ORC4: variants seen among roughly 807,000 people sequenced by gnomAD.
ORC4 encodes the protein origin recognition complex subunit 4, also known as origin recognition complex, subunit 4 homolog.
Under a neutral mutation model 63.9 loss-of-function variants are expected in ORC4, and 55 were observed. The observed-to-expected ratio is 0.86, with a 90% CI of 0.69 to 1.08. The LOEUF (loss-of-function observed/expected upper bound fraction) is 1.08, where lower values mean the gene tolerates loss of function less well. Ranked by LOEUF, ORC4 falls within the 50% of genes least tolerant of loss-of-function variation. ORC4 has a pLI of 0.00. For missense variants in ORC4, 511 were observed against 504.4 expected, an observed-to-expected ratio of 1.01 and a Z score of -0.13; for synonymous variants, 150 against 168.5, an observed-to-expected ratio of 0.89 and a Z score of 0.85.
intron 1 of ORC4, among the ~76,000 whole-genome samples, chr2:148,014,631 T>C (rs185269705): frequency 1.5e-3 from 230 of 152,290 alleles, no homozygotes; most frequent in Middle Eastern, 3.4e-3. Flanking sequence ...CGGCCCTTCA[T>C]AGCCACAGAT....
In ORC4 at chr2:147,938,396, A is replaced by G; in HGVS notation, c.959-3T>C. 6.5e-7 allele frequency: 1 copy of G among 1,531,984 alleles called. No individual in the cohort carries two copies. Among genetic ancestry groups the G allele is most frequent in the Non-Finnish European group, 9.0e-7 (1 of 1,107,088 alleles). 94.9% of individuals were successfully genotyped at this position (1,531,984 alleles called of 1,614,324 possible). Reference sequence around the variant, plus strand: ...ACAGATTTCCAAGACTGATAGACCTACAGTAAAAGGGAAAAAAAACTATCA... The same window carrying G: ...ACAGATTTCCAAGACTGATAGACCTGCAGTAAAAGGGAAAAAAAACTATCA... On this transcript the variant is annotated splice_region_variant and splice_polypyrimidine_tract_variant and intron_variant, in intron 11 of 13. Coordinates refer to ENST00000392857, the MANE Select transcript of ORC4 (RefSeq NM_181741.4).
intron 1 of ORC4, among the ~76,000 whole-genome samples, chr2:147,990,692 T>TA (rs1284827175): frequency 6.6e-6 from 1 of 152,196 alleles, no homozygotes; most frequent in Non-Finnish European, 1.5e-5. Flanking sequence ...GTAAAATCTT[T>TA]TTTTCCTCCT....
intron 10 of ORC4, among the ~76,000 whole-genome samples, chr2:147,941,052 T>C (rs1250104175): frequency 2.0e-5 from 3 of 152,172 alleles, no homozygotes; most frequent in Non-Finnish European, 4.4e-5. Flanking sequence ...ACCAACCTAA[T>C]ACTTCTACTA....
intron 8 of ORC4, 83 bp downstream of exon 8, chr2:147,952,290 G>C (rs1044992588): frequency 5.8e-6 from 6 of 1,027,302 alleles, no homozygotes; most frequent in Non-Finnish European, 7.2e-6. Context: ...ACCTAAATAA[G>C]TGAAAAAAAC....
intron 1 of ORC4, among the ~76,000 whole-genome samples, chr2:148,013,266 C>T (rs915634955): frequency 1.1e-4 from 17 of 151,952 alleles, no homozygotes; most frequent in African/African-American, 4.1e-4. Flanking sequence ...AAATGAAATC[C>T]TGTCATTTTC....
At chr2:147,969,342 A>G (rs949966334) in intron 4 of ORC4, among the ~76,000 whole-genome samples, 1 of 152,112 alleles carries the variant, frequency 6.6e-6, no homozygotes, top group African/African-American at 2.4e-5. Flanking sequence ...TATGCTAATT[A>G]TTCTGATTTG....
At chr2:147,986,594 C>T (rs1356662532) in intron 1 of ORC4, among the ~76,000 whole-genome samples, 1 of 152,012 alleles carries the variant, frequency 6.6e-6, no homozygotes, top group Non-Finnish European at 1.5e-5. Context: ...AGACTCATAC[C>T]TAGCAAAGAT....
At chr2:147,969,202 A>T (rs11901963) in intron 4 of ORC4, among the ~76,000 whole-genome samples, 50,050 of 151,728 alleles carry the variant, frequency 0.33, 8,515 homozygotes, top group East Asian at 0.52. Context: ...AGGAGTAAGT[A>T]ACAGTGTTGT....
chr2:147,963,525 C>A (rs2105327684), intron 4 of ORC4, among the ~76,000 whole-genome samples: 1 of 152,284 alleles, frequency 6.6e-6, no homozygotes, highest in South Asian at 2.1e-4. Context: ...AGTCGAGGAA[C>A]TGTATCCCTA....
At chr2:147,952,669 A>G in intron 7 of ORC4, 145 bp from the exon 8 acceptor site, 2 of 659,196 alleles carry the variant, frequency 3.0e-6, no homozygotes, top group Admixed American at 5.3e-5. Flanking sequence ...TTACTGATGC[A>G]TATACGTTCA....
Position 147,943,439 on chromosome 2 carries a change from T to G in ORC4, c.846A>C (p.Leu282=). ...ISKNLRSLHM[L]LMLALNRVTA... ...ATAAAACAAAACTAATACAAACCAA[T>G]AGCATGTGTAATGACCGCAGGTTTT... is the stretch of plus-strand genomic sequence containing the variant. The change falls in exon 10 of 14, where the codon CTA becomes CTC. Residue 282 remains leucine, a synonymous_variant. Transcript: ENST00000392857. The G allele has an allele frequency of 6.3e-7, 1 of 1,576,998 alleles. No homozygotes were observed.
Position 147,931,324 on chromosome 2 carries a change from C to A in ORC4, c.*4186G>T, listed in dbSNP as rs1295321994. ...TAATGCCACAATAAACATACGTGTG[C>A]ATGTGTCTTTATAGCAGCATGATTT... is the stretch of plus-strand genomic sequence containing the variant. On this transcript the variant is annotated 3_prime_UTR_variant, in exon 14 of 14. Coordinates refer to ENST00000392857, the MANE Select transcript of ORC4 (RefSeq NM_181741.4). 1 of 151,772 alleles carries A rather than the reference C, an allele frequency of 6.6e-6. No homozygotes were observed. The highest frequency in any genetic ancestry group is 1.5e-5 in the Non-Finnish European group (1 of 67,954). The allele number at this position is 151,772 out of a possible 1,614,324, so 9.4% of individuals were successfully genotyped here. A position where few individuals can be genotyped will look rare whatever the true frequency, so the allele number is the denominator to read the frequency against.
chr2:147,954,006 T>G (rs1334536070), intron 7 of ORC4, among the ~76,000 whole-genome samples: 1 of 151,760 alleles, frequency 6.6e-6, no homozygotes, highest in Non-Finnish European at 1.5e-5. Flanking sequence ...GTCAGATCCC[T>G]ACTTTACAGG....
intron 12 of ORC4, 28 bp from the exon 13 acceptor site, chr2:147,938,241 A>C: frequency 6.3e-7 from 1 of 1,599,928 alleles, no homozygotes; most frequent in Non-Finnish European, 8.6e-7. Flanking sequence ...ACAACATTAT[A>C]CCTTCAAATA....
At chr2:147,991,920 A>G (rs939451034) in intron 1 of ORC4, among the ~76,000 whole-genome samples, 1 of 152,244 alleles carries the variant, frequency 6.6e-6, no homozygotes, top group African/African-American at 2.4e-5. Flanking sequence ...ATTCTGCAGT[A>G]GTGTTGATGA....
chr2:147,932,792 G>C lies in ORC4; in HGVS notation c.*2718C>G, dbSNP rs1402319197. On this transcript the variant is annotated 3_prime_UTR_variant, in exon 14 of 14. Transcript: ENST00000392857. ...AGGATGGGGCAGCACTTAGGTTATG[G>C]TGGTTTGAAAGAAACTGAATTGCTT... 2 of 152,090 alleles carry C rather than the reference G, an allele frequency of 1.3e-5. No individual in the cohort carries two copies. Among genetic ancestry groups the C allele is most frequent in the Non-Finnish European group, 2.9e-5 (2 of 68,020 alleles). 9.4% of individuals were successfully genotyped at this position (152,090 alleles called of 1,614,324 possible). A position where few individuals can be genotyped will look rare whatever the true frequency, so the allele number is the denominator to read the frequency against.
At position 147,932,827 on chromosome 2, in the gene ORC4, G is replaced by T. The variant is rs1261046826; in HGVS notation, c.*2683C>A. ...AGAAACTGAATTGCTTTCTAAACCA[G>T]ATGAGGATCAGAGTGCGAACCATGG... On this transcript the variant is annotated 3_prime_UTR_variant, in exon 14 of 14. Coordinates refer to ENST00000392857, the MANE Select transcript of ORC4 (RefSeq NM_181741.4). The T allele has an allele frequency of 6.6e-6, 1 of 152,116 alleles. No individual in the cohort carries two copies. Among genetic ancestry groups the T allele is most frequent in the Non-Finnish European group, 1.5e-5 (1 of 68,018 alleles). 9.4% of individuals were successfully genotyped at this position (152,116 alleles called of 1,614,324 possible).
intron 1 of ORC4, among the ~76,000 whole-genome samples, chr2:147,988,579 G>A (rs1379289136): frequency 1.3e-5 from 2 of 151,902 alleles, no homozygotes; most frequent in Non-Finnish European, 1.5e-5. Context: ...GGCTGGTCTC[G>A]AACTCCTGAC....
rs986208536 is a variant in ORC4, at chr2:147,930,500, A to G, written c.*5010T>C. Reference sequence around the variant, plus strand: ...ATCCATTTATGGGCAAAATGATACAAGTAGCATCTTGATTGAACATCATTT... The same window carrying G: ...ATCCATTTATGGGCAAAATGATACAGGTAGCATCTTGATTGAACATCATTT... On this transcript the variant is annotated 3_prime_UTR_variant, in exon 14 of 14. Coordinates refer to ENST00000392857, the MANE Select transcript of ORC4 (RefSeq NM_181741.4). 1 of 152,482 alleles carries G rather than the reference A, an allele frequency of 6.6e-6. No homozygotes were observed. The highest frequency in any genetic ancestry group is 2.4e-5 in the African/African-American group (1 of 41,432). 9.4% of individuals were successfully genotyped at this position (152,482 alleles called of 1,614,324 possible).
Sources: allele counts gnomAD v4.1 joint callset (sites outside exome capture counted in the v4.1 genomes callset), GRCh38; gene constraint gnomAD v4.1.1; transcripts MANE v1.5; gene names NCBI Gene and HGNC (gene_info 2026-07-23, HGNC 2026-07-21).